The following SEBOX variants were observed in gnomAD, a reference collection of about 807,000 sequenced individuals.
SEBOX encodes the protein SEBOX homeobox.
SEBOX carries 10 observed loss-of-function variants against 7.8 expected under a neutral mutation model. That is an observed-to-expected ratio of 1.28 (90% CI 0.79 to 2.17). SEBOX has a LOEUF of 2.17. SEBOX is among the 30% of genes most tolerant of loss of function. The probability of loss-of-function intolerance (pLI) is 0.00; values close to 1 mark genes in which losing one functional copy is unlikely to be tolerated. For missense variants in SEBOX, 240 were observed against 239.5 expected, an observed-to-expected ratio of 1.00 and a Z score of -0.01; for synonymous variants, 98 against 91.5, an observed-to-expected ratio of 1.07 and a Z score of -0.40.
At position 28,364,820 on chromosome 17, in the gene SEBOX, G is replaced by C; in HGVS notation, c.167C>G (p.Thr56Ser). The change falls in exon 2 of 3, where the codon ACT becomes AGT. Residue 56 changes from threonine to serine, a missense_variant. Coordinates refer to ENST00000536498, the MANE Select transcript of SEBOX (RefSeq NM_001080837.4). Reference protein sequence around the residue: ...ISTHEHLAWVTCLPEAKVQVW... With the variant: ...ISTHEHLAWVSCLPEAKVQVW... ...CTGTACCTTGGCCTCAGGAAGGCAA[G>C]TGACCCAGGCCAGGTGCTCATGGGT... 6.2e-7 allele frequency: 1 copy of C among 1,613,932 alleles called. No homozygotes were observed. Among genetic ancestry groups the C allele is most frequent in the Non-Finnish European group, 8.5e-7 (1 of 1,179,868 alleles).
intron 2 of SEBOX, 63 bp from the exon 3 acceptor site, chr17:28,364,711 AAAC>A (rs2067894150): frequency 1.3e-6 from 2 of 1,585,726 alleles, no homozygotes; most frequent in Non-Finnish European, 1.7e-6. Context: ...GGGACAGGGG[AAAC>A]AACCTGAAGG....
At position 28,364,124 on chromosome 17, in the gene SEBOX, G is replaced by T; in HGVS notation, c.*144C>A. 3 of 826,552 alleles carry T rather than the reference G, an allele frequency of 3.6e-6. No individual in the cohort carries two copies. The highest frequency in any genetic ancestry group is 5.5e-6 in the Non-Finnish European group (3 of 545,286). The allele number at this position is 826,552 out of a possible 1,614,324, so 51.2% of individuals were successfully genotyped here. A position where few individuals can be genotyped will look rare whatever the true frequency, so the allele number is the denominator to read the frequency against. The stretch of plus-strand genomic sequence containing the variant: ...CTGGAGGCCAGTGGAAGGGAGGGAT[G>T]CCTGAGCTAAACTCCTTTCCCGTAG... On this transcript the variant is annotated 3_prime_UTR_variant, in exon 3 of 3. Coordinates refer to ENST00000536498, the MANE Select transcript of SEBOX (RefSeq NM_001080837.4).
chr17:28,364,894 T>C lies in SEBOX; in HGVS notation c.93A>G (p.Leu31=), dbSNP rs2277667. ...CTGCAAACGCCCTCTCCAGCTCCAGTAGCTGCCCTTTGCTGAAGGTGGTCC... is the reference window on the plus strand; with the variant it reads ...CTGCAAACGCCCTCTCCAGCTCCAGCAGCTGCCCTTTGCTGAAGGTGGTCC... ...RKRTTFSKGQ[L]LELERAFAAW... is the part of the protein sequence containing the mutation. The change falls in exon 2 of 3, where the codon CTA becomes CTG. Residue 31 remains leucine (L), a synonymous_variant. Transcript: ENST00000536498. 0.093 allele frequency: 150,713 copies of C among 1,613,540 alleles called. 8,339 individuals are homozygous for C. Among genetic ancestry groups the C allele is most frequent in the East Asian group, 0.2 (8,807 of 44,844 alleles).
In SEBOX at chr17:28,365,126, G is replaced by T; in HGVS notation, c.26C>A (p.Ser9Ter). The T allele has an allele frequency of 1.2e-6, 2 of 1,609,216 alleles. No individual in the cohort carries two copies. The highest frequency in any genetic ancestry group is 1.7e-6 in the Non-Finnish European group (2 of 1,177,532). MPSPVDAS[S>*]ADGGSGLGSH... ...CACTTCCCCCATCAGATCACCTGCT[G>T]AGGATGCATCCACAGGGCTGGGCAT... Residue 9 changes from serine (S) to a stop codon, truncating the protein, a stop_gained, in exon 1 of 3, where the codon TCA becomes TAA. Coordinates refer to ENST00000536498, the MANE Select transcript of SEBOX (RefSeq NM_001080837.4). LOFTEE classifies it high-confidence loss of function.
chr17:28,365,082 T>C lies in SEBOX; in HGVS notation c.31+39A>G, dbSNP rs114586198. The C allele has an allele frequency of 1.2e-3, 1,973 of 1,589,436 alleles. 31 individuals are homozygous for C. In the African/African-American group the frequency reaches 0.024, roughly 19 times the overall value. ...CAACCGTCCTCATCCTACCATGGCC[T>C]GCGTTCTCACCCTGCCCACACTTCC... On this transcript the variant is annotated intron_variant, in intron 1 of 2. Transcript: ENST00000536498.
Position 28,364,582 on chromosome 17 carries a change from A to T in SEBOX, c.259T>A (p.Ser87Thr). 1 of 1,554,444 alleles carries T rather than the reference A, an allele frequency of 6.4e-7. No homozygotes were observed. Among genetic ancestry groups the T allele is most frequent in the Non-Finnish European group, 8.7e-7 (1 of 1,152,312 alleles). Residue 87 changes from serine to threonine, a missense_variant, in exon 3 of 3, where the codon TCT (serine) becomes ACT (threonine). Coordinates refer to ENST00000536498, the MANE Select transcript of SEBOX (RefSeq NM_001080837.4). ...GAACAGGAGCTCTGGGGGCACTCAG[A>T]CCCAGGGCTTAGAATTCCTGACTTC... is the stretch of plus-strand genomic sequence containing the variant. ...NRKSGILSPGSECPQSSCSLP... is the reference protein window; with the variant it reads ...NRKSGILSPGTECPQSSCSLP...
chr17:28,364,853 T>C lies in SEBOX; in HGVS notation c.134A>G (p.Asn45Ser), dbSNP rs1555582770. ...GGCCAGGTGCTCATGGGTGCTGATG[T>C]TGGGGTAGGGCCATGCTGCAAACGC... Reference protein sequence around the residue: ...ERAFAAWPYPNISTHEHLAWV... With the variant: ...ERAFAAWPYPSISTHEHLAWV... The change falls in exon 2 of 3, where the codon AAC becomes AGC. Residue 45 changes from asparagine to serine, a missense_variant. Asn to Ser is a conservative substitution (Grantham distance 46). Transcript: ENST00000536498. 3.1e-6 allele frequency: 5 copies of C among 1,613,808 alleles called. No individual in the cohort carries two copies. Among genetic ancestry groups the C allele is most frequent in the Non-Finnish European group, 4.2e-6 (5 of 1,179,868 alleles).
rs2067885992 is a variant in SEBOX, at chr17:28,363,974, G to A, written c.*294C>T. On this transcript the variant is annotated 3_prime_UTR_variant, in exon 3 of 3. Coordinates refer to ENST00000536498, the MANE Select transcript of SEBOX (RefSeq NM_001080837.4). The stretch of plus-strand genomic sequence containing the variant: ...GCCTGGCAAGAGTGGAGGAAAACAT[G>A]ACCCTCATCTCATCCTTCTGAAGGT... Among the ~76,000 whole-genome samples, 1 of 152,158 alleles carries A rather than the reference G, an allele frequency of 6.6e-6. No individual in the cohort carries two copies. Among genetic ancestry groups the A allele is most frequent in the South Asian group, 2.1e-4 (1 of 4,828 alleles).
rs2067890801 is a variant in SEBOX at position 28,364,360 on chromosome 17, A to G, written c.481T>C (p.Ser161Pro). The G allele has an allele frequency of 6.3e-7, 1 of 1,596,662 alleles. No individual in the cohort carries two copies. The highest frequency in any genetic ancestry group is 8.5e-7 in the Non-Finnish European group (1 of 1,171,612). The stretch of plus-strand genomic sequence containing the variant: ...GTCTGGGGAGTAGCTCGCTCTAAAG[A>G]AGGGTGGACCTCTGAAGCCCCAGCT... ...GSAGASEVHP[S>P]LERATPQTSL... Residue 161 changes from serine to proline, a missense_variant, in exon 3 of 3, where the codon TCT becomes CCT. Physicochemically the swap from Ser to Pro is moderately conservative, Grantham distance 74. Transcript: ENST00000536498.
Position 28,364,655 on chromosome 17 carries a change from G to T in SEBOX, c.193-7C>A, listed in dbSNP as rs782359238. 6.5e-7 allele frequency: 1 copy of T among 1,545,324 alleles called. No homozygotes were observed. The highest frequency in any genetic ancestry group is 2.1e-5 in the Admixed American group (1 of 48,016). On this transcript the variant is annotated splice_polypyrimidine_tract_variant and splice_region_variant and intron_variant, in intron 2 of 2. Coordinates refer to ENST00000536498, the MANE Select transcript of SEBOX (RefSeq NM_001080837.4). ...AGCGCTTCTGGAACCACACCTGCTA[G>T]GAAAGAAGAAGGGGTCTGTTCTGGC...
rs782542487 is a variant in SEBOX, at chr17:28,364,930, G to A, written c.57C>T (p.His19=). 3.7e-6 allele frequency: 6 copies of A among 1,612,592 alleles called. No homozygotes were observed. The African/African-American group carries it at 8.0e-5, about 22-fold the overall frequency. ...SADGGSGLGS[H]RRKRTTFSKG... ...TGCTGAAGGTGGTCCGCTTTCTCCG[G>A]TGGGAACCCAACCCGCTGCCACCGT... Residue 19 remains histidine (H), a synonymous_variant, in exon 2 of 3, where the codon CAC becomes CAT. Transcript: ENST00000536498.
rs1309769041 is a variant in SEBOX at position 28,364,600 on chromosome 17, C to G, written c.241G>C (p.Gly81Arg). Residue 81 changes from glycine to arginine, a missense_variant, in exon 3 of 3, where the codon GGA becomes CGA. By Grantham distance (125) the Gly-to-Arg change is moderately radical (BLOSUM62 -2). Transcript: ENST00000536498. ...WAKIIKNRKS[G>R]ILSPGSECPQ... ...CACTCAGACCCAGGGCTTAGAATTC[C>G]TGACTTCCTGTTCTTGATTATTTTG... 2.4e-5 allele frequency: 37 copies of G among 1,544,746 alleles called. No homozygotes were observed. The highest frequency in any genetic ancestry group is 3.2e-5 in the Non-Finnish European group (37 of 1,148,450).
At position 28,364,746 on chromosome 17, in the gene SEBOX, T is replaced by C. The variant is rs367907163; in HGVS notation, c.192+49A>G. 1.7e-5 allele frequency: 28 copies of C among 1,608,648 alleles called. No homozygotes were observed. The African/African-American group carries it at 3.7e-4, about 21-fold the overall frequency. On this transcript the variant is annotated intron_variant, in intron 2 of 2. Transcript: ENST00000536498. The stretch of plus-strand genomic sequence containing the variant: ...AAGGCAGGCTACCCAGCGAAGGGGC[T>C]GTGGGCCAAGCCTAGATGTTGGCTG...
chr17:28,364,210 G>T lies in SEBOX; in HGVS notation c.*58C>A, dbSNP rs950664394. The T allele has an allele frequency of 2.0e-6, 3 of 1,511,650 alleles. No individual in the cohort carries two copies. The highest frequency in any genetic ancestry group is 1.9e-5 in the Admixed American group (1 of 51,920). The allele number at this position is 1,511,650 out of a possible 1,614,324, so 93.6% of individuals were successfully genotyped here. ...CCACTTCTGATGTGTTCAATCCCAGGAGGGGCAGGGTGGGCCACAGGAGTC... is the reference window on the plus strand; with the variant it reads ...CCACTTCTGATGTGTTCAATCCCAGTAGGGGCAGGGTGGGCCACAGGAGTC... On this transcript the variant is annotated 3_prime_UTR_variant, in exon 3 of 3. Transcript: ENST00000536498.
rs782101412 is a variant in SEBOX, at chr17:28,364,801, C to G, written c.186G>C (p.Lys62Asn). Residue 62 changes from lysine to asparagine, a missense_variant, in exon 2 of 3, where the codon AAG (lysine) becomes AAC (asparagine). By Grantham distance (94) the Lys-to-Asn change is moderately conservative. Coordinates refer to ENST00000536498, the MANE Select transcript of SEBOX (RefSeq NM_001080837.4). The stretch of plus-strand genomic sequence containing the variant: ...AGAAGGGGTCACAGCTCACCTGTAC[C>G]TTGGCCTCAGGAAGGCAAGTGACCC... ...LAWVTCLPEA[K>N]VQVWFQKRWA... The G allele has an allele frequency of 6.8e-6, 11 of 1,613,902 alleles. No individual in the cohort carries two copies. The South Asian group carries it at 1.2e-4, about 18-fold the overall frequency.
Position 28,365,173 on chromosome 17 carries a change from G to A in SEBOX, c.-22C>T. 1.2e-6 allele frequency: 2 copies of A among 1,611,528 alleles called. No individual in the cohort carries two copies. The highest frequency in any genetic ancestry group is 1.1e-5 in the South Asian group (1 of 90,406). Reference sequence around the variant, plus strand: ...GCATGGAGCTGGCAAAGGGTAAGGTGCCAGAGGGCCGTGCCAGAGGGCCAT... The same window carrying A: ...GCATGGAGCTGGCAAAGGGTAAGGTACCAGAGGGCCGTGCCAGAGGGCCAT... On this transcript the variant is annotated 5_prime_UTR_variant, in exon 1 of 3. Coordinates refer to ENST00000536498, the MANE Select transcript of SEBOX (RefSeq NM_001080837.4).
chr17:28,364,713 A>G (rs533239438), intron 2 of SEBOX, 65 bp from the exon 3 acceptor site: 1 of 1,586,286 alleles, frequency 6.3e-7, no homozygotes, highest in Non-Finnish European at 8.6e-7. Flanking sequence ...GACAGGGGAA[A>G]CAACCTGAAG....
In SEBOX at chr17:28,364,002, C is replaced by G. The variant is rs115616274; in HGVS notation, c.*266G>C. On this transcript the variant is annotated 3_prime_UTR_variant, in exon 3 of 3. Transcript: ENST00000536498. ...CCTCATCTCATCCTTCTGAAGGTAC[C>G]ACCTGCCACAACAATGAGCATATGC... Among the ~76,000 whole-genome samples the G allele has an allele frequency of 4.5e-3, 685 of 152,292 alleles. 5 individuals are homozygous for G. The highest frequency in any genetic ancestry group is 0.016 in the African/African-American group (648 of 41,570).
In SEBOX at chr17:28,364,198, G is replaced by A; in HGVS notation, c.*70C>T. 1.4e-6 allele frequency: 2 copies of A among 1,449,328 alleles called. No individual in the cohort carries two copies. The highest frequency in any genetic ancestry group is 1.9e-6 in the Non-Finnish European group (2 of 1,068,248). The allele number at this position is 1,449,328 out of a possible 1,614,324, so 89.8% of individuals were successfully genotyped here. ...GGGCCAGGGAATCCACTTCTGATGT[G>A]TTCAATCCCAGGAGGGGCAGGGTGG... On this transcript the variant is annotated 3_prime_UTR_variant, in exon 3 of 3. Coordinates refer to ENST00000536498, the MANE Select transcript of SEBOX (RefSeq NM_001080837.4).
Sources: allele counts gnomAD v4.1 joint callset (sites outside exome capture counted in the v4.1 genomes callset), GRCh38; gene constraint gnomAD v4.1.1; transcripts MANE v1.5; gene names NCBI Gene and HGNC (gene_info 2026-07-23, HGNC 2026-07-21).